DNAH14: variants seen among roughly 807,000 people sequenced by gnomAD.
The protein encoded by DNAH14 is axonemal beta dynein heavy chain 14.
In DNAH14, 478 loss-of-function variants were observed where a neutral mutation model predicts 520.9. The ratio of observed to expected loss-of-function variants is 0.92; its 90% CI spans 0.85 to 0.99. DNAH14 has a LOEUF of 0.99. Among genes scored for constraint, DNAH14 ranks in the 50% least tolerant of loss-of-function variants. The pLI, the probability that DNAH14 is intolerant of heterozygous loss-of-function variation, is 0.00. For missense variants in DNAH14, 4,831 were observed against 5,234.5 expected, an observed-to-expected ratio of 0.92 and a Z score of 2.38; for synonymous variants, 1,581 against 1,757.2, an observed-to-expected ratio of 0.90 and a Z score of 2.51.
Position 225,346,380 on chromosome 1 carries a change from G to A in DNAH14, c.11097G>A (p.Lys3699=). 1 of 1,524,402 alleles carries A rather than the reference G, an allele frequency of 6.6e-7. No homozygotes were observed. Among genetic ancestry groups the A allele is most frequent in the East Asian group, 2.5e-5 (1 of 40,744 alleles). The allele number at this position is 1,524,402 out of a possible 1,614,324, so 94.4% of individuals were successfully genotyped here. A position where few individuals can be genotyped will look rare whatever the true frequency, so the allele number is the denominator to read the frequency against. ...ACATGTTGACAAAAAGTATTTTTAA[G>A]GTGAGATATTCTTTAGTGTGAATTT... is the stretch of plus-strand genomic sequence containing the variant. ...AIDMLTKSIF[K]VVSSALFNED... is the part of the protein sequence containing the mutation. Residue 3699 remains lysine (K), a splice_region_variant and synonymous_variant, in exon 70 of 86, where the codon AAG becomes AAA. Transcript: ENST00000682510.
At chr1:225,054,820 G>C (rs188039877) in intron 17 of DNAH14, among the ~76,000 whole-genome samples, 1 of 151,772 alleles carries the variant, frequency 6.6e-6, no homozygotes, top group African/African-American at 2.4e-5. Flanking sequence ...ATTTTTGCCC[G>C]TTGCTTTATT....
chr1:225,268,490 A>G (rs2093201261), intron 49 of DNAH14, among the ~76,000 whole-genome samples: 1 of 152,232 alleles, frequency 6.6e-6, no homozygotes, highest in South Asian at 2.1e-4. Context: ...GCAATCAGGC[A>G]AGAGAAGTAA....
In DNAH14 at chr1:225,019,578, A is replaced by G. The variant is rs554327750; in HGVS notation, c.1108-4037A>G. Among the ~76,000 whole-genome samples the G allele has an allele frequency of 3.9e-5, 6 of 152,292 alleles. No individual in the cohort carries two copies. The East Asian group carries it at 1.2e-3, about 29-fold the overall frequency. On this transcript the variant is annotated intron_variant, in intron 10 of 85. Transcript: ENST00000682510. ...ATACTTGACCAGTTGGATCTAACAG[A>G]CACCTACAGAACACTATGCCTAACA...
chr1:225,179,248 G>T (rs2083691564), intron 36 of DNAH14, among the ~76,000 whole-genome samples: 1 of 152,094 alleles, frequency 6.6e-6, no homozygotes, highest in East Asian at 1.9e-4. Context: ...ACTTGCTACT[G>T]CCATTTTGTT....
At chr1:225,169,293 A>C (rs984208993) in intron 36 of DNAH14, among the ~76,000 whole-genome samples, 8 of 152,244 alleles carry the variant, frequency 5.3e-5, no homozygotes, top group African/African-American at 1.9e-4. Context: ...AAAGCTGGAC[A>C]GAGAATGACT....
chr1:225,263,731 G>A (rs1483987924), intron 46 of DNAH14, among the ~76,000 whole-genome samples: 1 of 151,852 alleles, frequency 6.6e-6, no homozygotes, highest in African/African-American at 2.4e-5. Context: ...ATAAATAATG[G>A]AGACTGGAAA....
Position 225,377,364 on chromosome 1 carries a change from C to G in DNAH14, c.12644C>G (p.Thr4215Ser), listed in dbSNP as rs76375603. The G allele has an allele frequency of 6.4e-7, 1 of 1,551,036 alleles. No individual in the cohort carries two copies. Among genetic ancestry groups the G allele is most frequent in the Non-Finnish European group, 8.7e-7 (1 of 1,146,766 alleles). Residue 4215 changes from threonine (T) to serine (S), a missense_variant, in exon 79 of 86, where the codon ACC becomes AGC. Coordinates refer to ENST00000682510, the MANE Select transcript of DNAH14 (RefSeq NM_001367479.1). ...GAGGCCATCAGGAGCTGCTGGGAGACCCAGGGCGAAAAGTTTATTGAAAAT... is the reference window on the plus strand; with the variant it reads ...GAGGCCATCAGGAGCTGCTGGGAGAGCCAGGGCGAAAAGTTTATTGAAAAT... ...HPEAIRSCWE[T>S]QGEKFIENLI...
chr1:225,226,683 G>A (rs544392898), intron 41 of DNAH14, among the ~76,000 whole-genome samples: 6 of 152,344 alleles, frequency 3.9e-5, no homozygotes, highest in African/African-American at 1.4e-4. Flanking sequence ...ATAAGACAGA[G>A]ACAAAGTATA....
Position 225,364,830 on chromosome 1 carries a change from G to A in DNAH14, c.12026G>A (p.Arg4009Gln), listed in dbSNP as rs995324087. The change falls in exon 76 of 86, where the codon CGG becomes CAG. Residue 4009 changes from arginine to glutamine, a missense_variant. Transcript: ENST00000682510. ...AACGTGACAATAGACCCTGAGTTTC[G>A]GCTATGGTTAAGCTCAAAATCATAC... ...SPNVTIDPEF[R>Q]LWLSSKSYSS... The A allele has an allele frequency of 1.9e-5, 29 of 1,547,966 alleles. 1 individual carries two copies. Among genetic ancestry groups the A allele is most frequent in the Middle Eastern group, 2.0e-4 (1 of 5,002 alleles).
At chr1:225,384,511 A>C (rs1472405705) in intron 81 of DNAH14, among the ~76,000 whole-genome samples, 1 of 152,198 alleles carries the variant, frequency 6.6e-6, no homozygotes, top group Non-Finnish European at 1.5e-5. Flanking sequence ...AGAGAGAAGA[A>C]TCAAATAGAT....
intron 15 of DNAH14, among the ~76,000 whole-genome samples, chr1:225,049,437 A>G (rs529257502): frequency 1.3e-5 from 2 of 152,150 alleles, no homozygotes; most frequent in South Asian, 4.1e-4. Context: ...TCTGAATACA[A>G]TTCTTTTATC....
intron 17 of DNAH14, among the ~76,000 whole-genome samples, chr1:225,058,955 G>A (rs2069571706): frequency 1.3e-5 from 2 of 152,138 alleles, no homozygotes; most frequent in African/African-American, 4.8e-5. Flanking sequence ...TTCCAACTAT[G>A]TGGTCAATTT....
chr1:225,376,883 A>G (rs952399220), intron 78 of DNAH14, among the ~76,000 whole-genome samples: 8 of 151,996 alleles, frequency 5.3e-5, no homozygotes, highest in African/African-American at 1.2e-4. Flanking sequence ...CATTCCTTCT[A>G]TAGGTTTCAC....
At chr1:225,365,863 T>A (rs763740876) in intron 76 of DNAH14, among the ~76,000 whole-genome samples, 16 of 152,188 alleles carry the variant, frequency 1.1e-4, no homozygotes, top group Non-Finnish European at 2.1e-4. Context: ...TCTTAAGTAG[T>A]CCATCGCTCC....
At chr1:225,275,636 C>G (rs544665355) in intron 52 of DNAH14, among the ~76,000 whole-genome samples, 1 of 152,122 alleles carries the variant, frequency 6.6e-6, no homozygotes, top group Non-Finnish European at 1.5e-5. Context: ...ACCCTCAAAG[C>G]GTTCTTAAAT....
At chr1:225,200,324 A>G (rs1239586099) in intron 38 of DNAH14, among the ~76,000 whole-genome samples, 3 of 152,158 alleles carry the variant, frequency 2.0e-5, no homozygotes, top group Non-Finnish European at 4.4e-5. Context: ...GGCCATCTAC[A>G]TTCAATGTTA....
rs755184630 is a variant in DNAH14, at chr1:225,358,592, T to C, written c.11716T>C (p.Leu3906=). 4.5e-6 allele frequency: 7 copies of C among 1,549,408 alleles called. No homozygotes were observed. The highest frequency in any genetic ancestry group is 4.1e-5 in the African/African-American group (3 of 72,900). The part of the protein sequence containing the change: ...NKYLQRTGVN[L]KDAYKGSNAR... ...GTATCTTCAAAGAACTGGAGTTAATTTGAAAGATGCATATAAAGGATCCAA... is the reference window on the plus strand; with the variant it reads ...GTATCTTCAAAGAACTGGAGTTAATCTGAAAGATGCATATAAAGGATCCAA... The change falls in exon 74 of 86, where the codon TTG becomes CTG. Residue 3906 remains leucine (L), a synonymous_variant. Coordinates refer to ENST00000682510, the MANE Select transcript of DNAH14 (RefSeq NM_001367479.1).
At chr1:225,087,256 C>G (rs1003086696) in intron 21 of DNAH14, among the ~76,000 whole-genome samples, 2 of 152,176 alleles carry the variant, frequency 1.3e-5, no homozygotes, top group Non-Finnish European at 2.9e-5. Flanking sequence ...GGCAGAAGGG[C>G]AAGTGAAAGC....
chr1:224,932,752 T>C (rs923199335), intron 1 of DNAH14, among the ~76,000 whole-genome samples: 2 of 152,292 alleles, frequency 1.3e-5, no homozygotes, highest in African/African-American at 2.4e-5. Context: ...ATATGTGGCT[T>C]TAATTCTTGG....
Sources: allele counts gnomAD v4.1 joint callset (sites outside exome capture counted in the v4.1 genomes callset), GRCh38; gene constraint gnomAD v4.1.1; transcripts MANE v1.5; gene names NCBI Gene and HGNC (gene_info 2026-07-23, HGNC 2026-07-21).